PCDHGA6: variants seen among roughly 807,000 people sequenced by gnomAD.
The protein encoded by PCDHGA6 is protocadherin gamma-A6.
A neutral mutation model predicts 60.6 loss-of-function variants in PCDHGA6; 41 were observed. The observed-to-expected ratio is 0.68, with a 90% CI of 0.53 to 0.88. PCDHGA6 has a LOEUF of 0.88. PCDHGA6 is among the 40% of genes least tolerant of loss of function. The pLI is 0.00. For synonymous variants in PCDHGA6, 594 were observed against 524.4 expected, an observed-to-expected ratio of 1.13 and a Z score of -1.81; for missense variants, 1,312 against 1,203.0, an observed-to-expected ratio of 1.09 and a Z score of -1.34.
chr5:141,432,235 T>C lies in PCDHGA6; in HGVS notation c.2424+55728T>C, dbSNP rs1240828849. 1 of 1,614,102 alleles carries C rather than the reference T, an allele frequency of 6.2e-7. No individual in the cohort carries two copies. The highest frequency in any genetic ancestry group is 8.5e-7 in the Non-Finnish European group (1 of 1,180,050). ...ACGCCCAGATCACTTATTCCCTGGC[T>C]GAGAACACCATCCAAGGGGCAAGCC... On this transcript the variant is annotated intron_variant, in intron 1 of 3. Transcript: ENST00000517434. The surrounding 1 kb of genome is among the most constrained non-coding windows in gnomAD (Gnocchi z 6.0).
chr5:141,414,486 AACGG>A, intron 1 of PCDHGA6: 1 of 1,613,938 alleles, frequency 6.2e-7, no homozygotes, highest in Non-Finnish European at 8.5e-7. Flanking sequence ...CTCCTCTATC[AACGG>A]AAGCTCACTT....
chr5:141,472,980 CA>C (rs60579131), intron 1 of PCDHGA6, among the ~76,000 whole-genome samples: 39,687 of 85,940 alleles, frequency 0.46, 5,633 homozygotes, highest in African/African-American at 0.56. Flanking sequence ...GAGTGAAACT[CA>C]AAAAAAAAAA....
At chr5:141,423,251 ACCTCGGCAG>A (rs770264100) in intron 1 of PCDHGA6, 3 of 1,613,726 alleles carry the variant, frequency 1.9e-6, no homozygotes, top group African/African-American at 2.7e-5. Flanking sequence ...GTCCTGGCGG[ACCTCGGCAG>A]CCTCGAGTCT....
At position 141,420,019 on chromosome 5, in the gene PCDHGA6, C is replaced by T. The variant is rs2096459006; in HGVS notation, c.2424+43512C>T. 13 of 1,614,072 alleles carry T rather than the reference C, an allele frequency of 8.1e-6. No homozygotes were observed. In the East Asian group the frequency reaches 2.7e-4, roughly 33 times the overall value. On this transcript the variant is annotated intron_variant, in intron 1 of 3. Coordinates refer to ENST00000517434, the MANE Select transcript of PCDHGA6 (RefSeq NM_018919.3). ...CTCTACGCCTGCGACAGTCTTTCAGCCCTACTGCAGGAGACTGCTTTGAGT... is the reference window on the plus strand; with the variant it reads ...CTCTACGCCTGCGACAGTCTTTCAGTCCTACTGCAGGAGACTGCTTTGAGT...
At chr5:141,502,291 G>A (rs1346186675) in intron 2 of PCDHGA6, among the ~76,000 whole-genome samples, 1 of 151,370 alleles carries the variant, frequency 6.6e-6, no homozygotes, top group African/African-American at 2.5e-5. Context: ...GCATTTGGTT[G>A]TCACGTCTTT....
At chr5:141,446,039 A>G (rs1349676116) in intron 1 of PCDHGA6, among the ~76,000 whole-genome samples, 1 of 152,180 alleles carries the variant, frequency 6.6e-6, no homozygotes, top group African/African-American at 2.4e-5. Context: ...TAAGAAATGG[A>G]AGAAGAGCTG....
chr5:141,408,379 G>T (rs2095093592), intron 1 of PCDHGA6: 13 of 1,613,914 alleles, frequency 8.1e-6, no homozygotes, highest in Non-Finnish European at 1.1e-5. Context: ...TCAGTGTCCT[G>T]GATGTGTCGG....
chr5:141,379,834 GA>G (rs199662644), intron 1 of PCDHGA6, among the ~76,000 whole-genome samples: 1 of 141,412 alleles, frequency 7.1e-6, no homozygotes, highest in Non-Finnish European at 1.5e-5. Context: ...GAAGCATCAG[GA>G]AAAAAAACTA....
intron 1 of PCDHGA6, among the ~76,000 whole-genome samples, chr5:141,442,726 C>A (rs1160438073): frequency 2.6e-5 from 4 of 152,060 alleles, no homozygotes; most frequent in Non-Finnish European, 5.9e-5. Context: ...GCATTTGGGG[C>A]CTGTAGGTAA....
Position 141,408,693 on chromosome 5 carries a change from TAAACTC to T in PCDHGA6, c.2424+32189_2424+32194del, listed in dbSNP as rs1561714743. 1.9e-6 allele frequency: 3 copies of T among 1,613,768 alleles called. No homozygotes were observed. In the African/African-American group the frequency reaches 4.0e-5, roughly 22 times the overall value. On this transcript the variant is annotated intron_variant, in intron 1 of 3. Coordinates refer to ENST00000517434, the MANE Select transcript of PCDHGA6 (RefSeq NM_018919.3). The stretch of plus-strand genomic sequence containing the variant: ...CCTGCCACGGATCCTGATATAAACA[TAAACTC>T]AATTAAAGATTATAAGATAAACTCT...
intron 1 of PCDHGA6, chr5:141,395,133 A>G (rs760451747): frequency 1.2e-6 from 2 of 1,614,192 alleles, no homozygotes; most frequent in Non-Finnish European, 8.5e-7. Context: ...TCCCCAGCCC[A>G]ACTACGCAGA....
chr5:141,417,896 C>G, intron 1 of PCDHGA6: 1 of 1,576,868 alleles, frequency 6.3e-7, no homozygotes, highest in Non-Finnish European at 8.6e-7. Flanking sequence ...CCGGGCCGGC[C>G]CGCGGCAGGT....
At chr5:141,414,897 C>G in intron 1 of PCDHGA6, 1 of 1,614,230 alleles carries the variant, frequency 6.2e-7, no homozygotes, top group Non-Finnish European at 8.5e-7. Flanking sequence ...TCCCCACAGA[C>G]GGTTCCACAG....
chr5:141,426,596 C>T (rs1408090148), intron 1 of PCDHGA6: 9 of 377,102 alleles, frequency 2.4e-5, no homozygotes, highest in Middle Eastern at 3.9e-4. Context: ...GTGTCATACC[C>T]TTAGAGATTG....
chr5:141,384,444 C>T lies in PCDHGA6; in HGVS notation c.2424+7937C>T, dbSNP rs751427123. 2.5e-5 allele frequency: 41 copies of T among 1,613,906 alleles called. No individual in the cohort carries two copies. The Admixed American group carries it at 5.0e-4, about 20-fold the overall frequency. ...TAAACTCTGACACTGGAGTCCTGTA[C>T]GCGCTGCAATCCTTTGATTATGAGC... On this transcript the variant is annotated intron_variant, in intron 1 of 3. Transcript: ENST00000517434.
rs1254680765 is a variant in PCDHGA6 at position 141,491,399 on chromosome 5, A to G, written c.2425-3408A>G. ...CTGTCAGCGAAGTGCCTTCAGGGAA[A>G]CGCAGACGGGGACGGGGGTGGAGGG... On this transcript the variant is annotated intron_variant, in intron 1 of 3. Transcript: ENST00000517434. This position sits in a 1 kb window ranked among gnomAD's most constrained non-coding sequence, Gnocchi z 6.9. 3 of 1,613,998 alleles carry G rather than the reference A, an allele frequency of 1.9e-6. No homozygotes were observed. Among genetic ancestry groups the G allele is most frequent in the Non-Finnish European group, 2.5e-6 (3 of 1,180,028 alleles).
chr5:141,490,396 A>G lies in PCDHGA6; in HGVS notation c.2425-4411A>G. ...GGACTCAGGTAGAAATGGTGAAGTGAGCCTTGATATCTCTCCGGACCTGCC... is the reference window on the plus strand; with the variant it reads ...GGACTCAGGTAGAAATGGTGAAGTGGGCCTTGATATCTCTCCGGACCTGCC... On this transcript the variant is annotated intron_variant, in intron 1 of 3. Coordinates refer to ENST00000517434, the MANE Select transcript of PCDHGA6 (RefSeq NM_018919.3). The surrounding 1 kb of genome is among the most constrained non-coding windows in gnomAD (Gnocchi z 5.4). 1 of 1,614,146 alleles carries G rather than the reference A, an allele frequency of 6.2e-7. No homozygotes were observed. The highest frequency in any genetic ancestry group is 8.5e-7 in the Non-Finnish European group (1 of 1,180,030).
intron 1 of PCDHGA6, chr5:141,388,040 G>A (rs1561617548): frequency 7.1e-7 from 1 of 1,412,748 alleles, no homozygotes; most frequent in Non-Finnish European, 9.6e-7. Flanking sequence ...ACCTCGCCAC[G>A]GACCTGGGGT....
intron 1 of PCDHGA6, among the ~76,000 whole-genome samples, chr5:141,454,458 G>A (rs535843071): frequency 5.3e-5 from 8 of 152,322 alleles, no homozygotes; most frequent in Non-Finnish European, 1.5e-5. Flanking sequence ...CCAGGCTGGA[G>A]TGCAATGGCA....
Sources: allele counts gnomAD v4.1 joint callset (sites outside exome capture counted in the v4.1 genomes callset), GRCh38; gene constraint gnomAD v4.1.1; non-coding constraint Gnocchi (gnomAD v3.1); transcripts MANE v1.5; gene names NCBI Gene and HGNC (gene_info 2026-07-23, HGNC 2026-07-21).